SLC13A1: variants seen among roughly 807,000 people sequenced by gnomAD.
The protein encoded by SLC13A1 is solute carrier family 13 member 1, also known as Na(+)/sulfate cotransporter.
Under a neutral mutation model 70.0 loss-of-function variants are expected in SLC13A1, and 65 were observed. The ratio of observed to expected loss-of-function variants is 0.93; its 90% CI spans 0.76 to 1.14. The LOEUF is 1.14. SLC13A1 is among the 50% of genes most tolerant of loss of function. SLC13A1 has a pLI of 0.00. For missense variants in SLC13A1, 726 were observed against 717.8 expected (o/e 1.01, Z -0.13); for synonymous variants, 275 against 250.5 (o/e 1.10, Z -0.92).
intron 6 of SLC13A1, among the ~76,000 whole-genome samples, chr7:123,159,168 GA>G (rs965857757): frequency 1.8e-4 from 27 of 150,496 alleles, no homozygotes; most frequent in East Asian, 7.8e-4. Flanking sequence ...CTGTTCAGGA[GA>G]AAAAAAAATG....
chr7:123,176,041 G>T (rs1040025451), intron 2 of SLC13A1, among the ~76,000 whole-genome samples: 78 of 152,318 alleles, frequency 5.1e-4, no homozygotes, highest in African/African-American at 1.7e-3. Context: ...GTCAATGAAT[G>T]ACTATGGATT....
At chr7:123,157,756 A>G (rs1402130795) in intron 6 of SLC13A1, among the ~76,000 whole-genome samples, 9 of 152,178 alleles carry the variant, frequency 5.9e-5, no homozygotes, top group Non-Finnish European at 1.2e-4. Context: ...AAGTGCAACA[A>G]TCATTTTAAA....
At chr7:123,189,492 A>G (rs1795929905) in intron 1 of SLC13A1, among the ~76,000 whole-genome samples, 1 of 152,084 alleles carries the variant, frequency 6.6e-6, no homozygotes, top group Non-Finnish European at 1.5e-5. Context: ...CCTTCATCTT[A>G]TATGTTTTTC....
intron 14 of SLC13A1, among the ~76,000 whole-genome samples, chr7:123,115,930 CTG>C (rs1215474179): frequency 6.6e-6 from 1 of 152,288 alleles, no homozygotes; most frequent in East Asian, 1.9e-4. Flanking sequence ...AGAGAAAAAT[CTG>C]TCTCCAACTA....
chr7:123,140,918 A>T (rs1794114092), intron 7 of SLC13A1, among the ~76,000 whole-genome samples: 2 of 151,888 alleles, frequency 1.3e-5, no homozygotes, highest in Non-Finnish European at 2.9e-5. Context: ...TTTCAATTTA[A>T]CTTAATTCTA....
intron 6 of SLC13A1, among the ~76,000 whole-genome samples, chr7:123,165,128 A>T (rs1484556942): frequency 6.6e-6 from 1 of 152,142 alleles, no homozygotes; most frequent in Admixed American, 6.6e-5. Context: ...TTATAATTGT[A>T]ACACAAATTA....
intron 1 of SLC13A1, chr7:123,190,553 C>G (rs1220777870): frequency 2.2e-6 from 1 of 456,700 alleles, no homozygotes; most frequent in Non-Finnish European, 4.4e-6. Flanking sequence ...AGTCATCTGA[C>G]TGCATCTGGC....
chr7:123,185,318 G>T (rs1207148715), intron 1 of SLC13A1, among the ~76,000 whole-genome samples: 1 of 151,904 alleles, frequency 6.6e-6, no homozygotes, highest in African/African-American at 2.4e-5. Context: ...TGCTTTTGTT[G>T]CTGTGCTTTT....
chr7:123,178,063 G>T, intron 2 of SLC13A1, among the ~76,000 whole-genome samples: 1 of 149,860 alleles, frequency 6.7e-6, no homozygotes, highest in Non-Finnish European at 1.5e-5. Context: ...CCATACATGT[G>T]TATTTTCACA....
chr7:123,179,922 G>A (rs926247807), intron 2 of SLC13A1, among the ~76,000 whole-genome samples: 2 of 152,038 alleles, frequency 1.3e-5, no homozygotes, highest in Non-Finnish European at 2.9e-5. Flanking sequence ...TTTTATTCCC[G>A]ATATTGAAAG....
intron 6 of SLC13A1, among the ~76,000 whole-genome samples, chr7:123,148,148 A>T (rs768090964): frequency 1.1e-4 from 16 of 152,118 alleles, no homozygotes; most frequent in Non-Finnish European, 2.2e-4. Flanking sequence ...TTTTTTAAGG[A>T]TCATGTAACT....
intron 1 of SLC13A1, chr7:123,190,336 C>T: frequency 3.0e-6 from 1 of 331,302 alleles, no homozygotes; most frequent in Admixed American, 4.0e-5. Flanking sequence ...GGATTTCCAA[C>T]CTTGGCCTGG....
chr7:123,169,029 A>G, intron 4 of SLC13A1, 119 bp downstream of exon 4: 1 of 852,178 alleles, frequency 1.2e-6, no homozygotes, highest in Non-Finnish European at 1.8e-6. Flanking sequence ...GAGGGAAGAA[A>G]GTTAAATTCA....
chr7:123,167,890 T>A (rs368156382), intron 6 of SLC13A1, among the ~76,000 whole-genome samples: 1 of 152,004 alleles, frequency 6.6e-6, no homozygotes, highest in South Asian at 2.1e-4. Context: ...ATCAGTCTAT[T>A]AGGCCAGCAA....
At chr7:123,193,982 G>A (rs542846565) in intron 1 of SLC13A1, among the ~76,000 whole-genome samples, 1 of 152,090 alleles carries the variant, frequency 6.6e-6, no homozygotes, top group Admixed American at 6.5e-5. Context: ...CAGGTCCAAA[G>A]CCTTACATCC....
chr7:123,162,537 A>G lies in SLC13A1; in HGVS notation c.660+5837T>C, dbSNP rs139830184. Among the ~76,000 whole-genome samples the G allele has an allele frequency of 3.2e-3, 485 of 152,230 alleles. 1 individual carries two copies. Among genetic ancestry groups the G allele is most frequent in the African/African-American group, 0.011 (461 of 41,566 alleles). On this transcript the variant is annotated intron_variant, in intron 6 of 14. Coordinates refer to ENST00000194130, the MANE Select transcript of SLC13A1 (RefSeq NM_022444.4). ...TTGAGTCAGGTAAGGGTTGAGCAGT[A>G]CTAATTACTGCCTTTGCCATCCAAC... is the stretch of plus-strand genomic sequence containing the variant.
At chr7:123,134,601 G>A in intron 7 of SLC13A1, 72 bp from the exon 8 acceptor site, 3 of 1,435,794 alleles carry the variant, frequency 2.1e-6, no homozygotes, top group Non-Finnish European at 2.9e-6. Context: ...TCACAGGGAA[G>A]CAGCAGTCCA....
intron 2 of SLC13A1, among the ~76,000 whole-genome samples, chr7:123,177,127 G>C (rs1259763714): frequency 2.6e-5 from 4 of 152,006 alleles, no homozygotes; most frequent in Non-Finnish European, 5.9e-5. Context: ...CCCTTTCCTA[G>C]AGTAAGCCTG....
At position 123,177,010 on chromosome 7, in the gene SLC13A1, A is replaced by C. The variant is rs186692963; in HGVS notation, c.228+3963T>G. 9.9e-4 allele frequency among the ~76,000 whole-genome samples: 151 copies of C among 152,208 alleles called. 1 individual carries two copies. The Middle Eastern group carries it at 0.01, about 10-fold the overall frequency. On this transcript the variant is annotated intron_variant, in intron 2 of 14. Coordinates refer to ENST00000194130, the MANE Select transcript of SLC13A1 (RefSeq NM_022444.4). Reference sequence around the variant, plus strand: ...TATATCTGCAGATTAGCTCTCTCTCATGAACTCTGGACTCTTTTGTATTCA... The same window carrying C: ...TATATCTGCAGATTAGCTCTCTCTCCTGAACTCTGGACTCTTTTGTATTCA...
Sources: allele counts gnomAD v4.1 joint callset (sites outside exome capture counted in the v4.1 genomes callset), GRCh38; gene constraint gnomAD v4.1.1; transcripts MANE v1.5; gene names NCBI Gene and HGNC (gene_info 2026-07-23, HGNC 2026-07-21).